Variants in RPTOR observed in about 807,000 individuals in gnomAD.
RPTOR encodes the protein regulatory associated protein of MTOR complex 1, also known as regulatory-associated protein of mTOR.
A neutral mutation model predicts 169.9 loss-of-function variants in RPTOR; 21 were observed. The ratio of observed to expected loss-of-function variants is 0.12; its 90% CI spans 0.09 to 0.18. The LOEUF is 0.18. Ranked by LOEUF, RPTOR falls within the 10% of genes least tolerant of loss-of-function variation. RPTOR has a pLI of 1.00. For missense variants in RPTOR, 1,133 were observed against 1,855.9 expected (o/e 0.61, Z 7.16); for synonymous variants, 732 against 753.2 (o/e 0.97, Z 0.46).
chr17:80,828,809 A>G (rs1248073599), intron 9 of RPTOR, among the ~76,000 whole-genome samples: 3 of 152,236 alleles, frequency 2.0e-5, no homozygotes, highest in African/African-American at 7.2e-5. Flanking sequence ...GAATAACTCT[A>G]CTACCTAACA....
chr17:80,613,679 C>T (rs971214516), intron 1 of RPTOR, among the ~76,000 whole-genome samples: 1 of 148,936 alleles, frequency 6.7e-6, no homozygotes, highest in Non-Finnish European at 1.5e-5. Context: ...GTTGTGTGGA[C>T]ACAGGTGCTC....
chr17:80,913,514 C>T (rs1323304601), intron 21 of RPTOR, among the ~76,000 whole-genome samples: 2 of 152,088 alleles, frequency 1.3e-5, no homozygotes, highest in Non-Finnish European at 2.9e-5. Context: ...GTTCAGTGAT[C>T]CAGTCACGGC....
intron 6 of RPTOR, among the ~76,000 whole-genome samples, chr17:80,777,890 G>A (rs1383383799): frequency 6.6e-6 from 1 of 152,140 alleles, no homozygotes; most frequent in Non-Finnish European, 1.5e-5. Flanking sequence ...AGTGACTTTG[G>A]AACTGTATAA....
At chr17:80,904,335 G>A (rs925688958) in intron 20 of RPTOR, among the ~76,000 whole-genome samples, 3 of 152,196 alleles carry the variant, frequency 2.0e-5, no homozygotes, top group Admixed American at 6.5e-5. Flanking sequence ...ATCAGAGGGC[G>A]TAACCCGCTC....
intron 6 of RPTOR, among the ~76,000 whole-genome samples, chr17:80,782,965 A>C (rs1358040404): frequency 6.6e-6 from 1 of 152,092 alleles, no homozygotes; most frequent in Non-Finnish European, 1.5e-5. Flanking sequence ...GGCAAGGCAC[A>C]CCCCAGAGCT....
intron 3 of RPTOR, among the ~76,000 whole-genome samples, chr17:80,693,466 A>C (rs936856783): frequency 5.2e-5 from 8 of 152,392 alleles, no homozygotes; most frequent in African/African-American, 1.9e-4. Context: ...CAGCTATTCT[A>C]GTTCTTGTCT....
At chr17:80,681,500 T>C (rs2065897572) in intron 3 of RPTOR, among the ~76,000 whole-genome samples, 2 of 151,776 alleles carry the variant, frequency 1.3e-5, no homozygotes. Flanking sequence ...CTGCGGGGAG[T>C]GTAGGGAAGG....
At chr17:80,760,636 G>A (rs1484500802) in intron 6 of RPTOR, among the ~76,000 whole-genome samples, 1 of 144,054 alleles carries the variant, frequency 6.9e-6, no homozygotes, top group Non-Finnish European at 1.5e-5. Context: ...CAGGCAGTTG[G>A]CCAGATTTGG....
chr17:80,900,323 G>A (rs2068459630), intron 20 of RPTOR, among the ~76,000 whole-genome samples: 1 of 151,908 alleles, frequency 6.6e-6, no homozygotes, highest in Admixed American at 6.5e-5. Context: ...TGTGCTCACT[G>A]TGGCCTTCCT....
At chr17:80,555,589 G>A (rs555376971) in intron 1 of RPTOR, among the ~76,000 whole-genome samples, 2 of 152,290 alleles carry the variant, frequency 1.3e-5, no homozygotes, top group South Asian at 2.1e-4. Context: ...TGACAGACAC[G>A]GTAGCACCAA....
In RPTOR at chr17:80,707,018, T is replaced by A. The variant is rs1378071287; in HGVS notation, c.349-823T>A. Among the ~76,000 whole-genome samples the A allele has an allele frequency of 6.6e-6, 1 of 152,172 alleles. No homozygotes were observed. The highest frequency in any genetic ancestry group is 1.5e-5 in the Non-Finnish European group (1 of 68,028). ...TTCTTTGCCATGATGTTCCTTTGTT[T>A]ATTATTTGTGTATATCAAGGCTATT... On this transcript the variant is annotated intron_variant, in intron 3 of 33. Transcript: ENST00000306801. This position sits in a 1 kb window ranked among gnomAD's most constrained non-coding sequence, Gnocchi z 5.0.
Position 80,803,745 on chromosome 17 carries a change from CAG to C in RPTOR, c.890+12237_890+12238del, listed in dbSNP as rs1490159554. 1 of 152,272 alleles carries C rather than the reference CAG, an allele frequency of 6.6e-6. No homozygotes were observed. Among genetic ancestry groups the C allele is most frequent in the Non-Finnish European group, 1.5e-5 (1 of 68,076 alleles). 9.4% of individuals were successfully genotyped at this position (152,272 alleles called of 1,614,324 possible). A position where few individuals can be genotyped will look rare whatever the true frequency, so the allele number is the denominator to read the frequency against. On this transcript the variant is annotated intron_variant, in intron 7 of 33. Transcript: ENST00000306801. This position sits in a 1 kb window ranked among gnomAD's most constrained non-coding sequence, Gnocchi z 6.2. ...CTTGCTCGTTAACTTACATCCTGAT[CAG>C]GGGAAGAAACGCACATAAGAGGAGT...
In RPTOR at chr17:80,657,285, C is replaced by T. The variant is rs143152403; in HGVS notation, c.348+13475C>T. On this transcript the variant is annotated intron_variant, in intron 3 of 33. Transcript: ENST00000306801. ...GAAGCAAGCTCCAGAAAAGAGCAGG[C>T]TCCAGCTTTGCAAGGTAAACCTTGG... is the stretch of plus-strand genomic sequence containing the variant. Among the ~76,000 whole-genome samples the T allele has an allele frequency of 2.7e-3, 406 of 152,250 alleles. 2 individuals are homozygous for T. The highest frequency in any genetic ancestry group is 9.4e-3 in the African/African-American group (390 of 41,542).
At chr17:80,883,721 C>T in intron 15 of RPTOR, 60 bp from the exon 16 acceptor site, 1 of 1,567,552 alleles carries the variant, frequency 6.4e-7, no homozygotes, top group Non-Finnish European at 8.8e-7. Context: ...GTGCAGGTAC[C>T]CACCACGTGC....
At chr17:80,628,449 T>C (rs7214153) in intron 2 of RPTOR, among the ~76,000 whole-genome samples, 12,592 of 152,260 alleles carry the variant, frequency 0.083, 540 homozygotes, top group African/African-American at 0.11. Flanking sequence ...CTTTTAGCAC[T>C]GTCTTTTAAA....
intron 16 of RPTOR, 138 bp downstream of exon 16, chr17:80,884,110 G>T: frequency 1.2e-6 from 1 of 846,198 alleles, no homozygotes; most frequent in Non-Finnish European, 1.8e-6. Context: ...GAGTAGGACA[G>T]TGGGACCTTG....
rs774810642 is a variant in RPTOR at position 80,823,234 on chromosome 17, C to T, written c.1136+11C>T. ...CATGCACGCCATGTGGTGAGTGTTTCAGGATCCTCCAGGTGCCGTGCTCCC... is the reference window on the plus strand; with the variant it reads ...CATGCACGCCATGTGGTGAGTGTTTTAGGATCCTCCAGGTGCCGTGCTCCC... On this transcript the variant is annotated intron_variant, in intron 9 of 33. Transcript: ENST00000306801. This position sits in a 1 kb window ranked among gnomAD's most constrained non-coding sequence, Gnocchi z 4.5. 6.2e-7 allele frequency: 1 copy of T among 1,612,604 alleles called. No homozygotes were observed. The highest frequency in any genetic ancestry group is 8.5e-7 in the Non-Finnish European group (1 of 1,178,872).
chr17:80,704,485 T>G (rs2066127614), intron 3 of RPTOR, among the ~76,000 whole-genome samples: 1 of 152,184 alleles, frequency 6.6e-6, no homozygotes, highest in African/African-American at 2.4e-5. Flanking sequence ...GAATCTCAGA[T>G]AGCAAAGCAG....
chr17:80,961,532 C>A, intron 31 of RPTOR, 52 bp downstream of exon 31: 9 of 1,517,674 alleles, frequency 5.9e-6, no homozygotes, highest in Non-Finnish European at 8.0e-6. Flanking sequence ...CATTATTTTC[C>A]CCTCCATTTA....
Sources: gnomAD v4.1 joint callset for allele counts (sites outside exome capture counted in the v4.1 genomes callset) on GRCh38, gnomAD v4.1.1 for gene constraint, Gnocchi (gnomAD v3.1) non-coding constraint, MANE v1.5 for transcripts, NCBI Gene and HGNC (gene_info 2026-07-23, HGNC 2026-07-21) for gene names.